DIP2C: variants seen among roughly 807,000 people sequenced by gnomAD.
The protein encoded by DIP2C is disco-interacting protein 2 homolog C.
In DIP2C, 33 loss-of-function variants were observed where a neutral mutation model predicts 192.4. The observed-to-expected ratio is 0.17, with a 90% CI of 0.13 to 0.23. The LOEUF is 0.23. DIP2C is among the 10% of genes least tolerant of loss of function. The probability of loss-of-function intolerance (pLI) is 1.00; values close to 1 mark genes in which losing one functional copy is unlikely to be tolerated. For missense variants in DIP2C, 1,537 were observed against 2,110.1 expected (o/e 0.73, Z 5.32); for synonymous variants, 979 against 864.1 (o/e 1.13, Z -2.33).
chr10:408,805 A>G, intron 9 of DIP2C, 121 bp downstream of exon 9: 1 of 861,290 alleles, frequency 1.2e-6, no homozygotes, highest in Non-Finnish European at 1.8e-6. Context: ...AGTTAAGAAT[A>G]AAAACTTGCT....
At chr10:331,006 C>T (rs1177966146) in intron 29 of DIP2C, among the ~76,000 whole-genome samples, 1 of 132,000 alleles carries the variant, frequency 7.6e-6, no homozygotes, top group African/African-American at 2.9e-5. Context: ...TTTGTAGATA[C>T]GGTTTCGTAT....
At chr10:510,189 A>C (rs10466270) in intron 1 of DIP2C, among the ~76,000 whole-genome samples, 1 of 151,950 alleles carries the variant, frequency 6.6e-6, no homozygotes, top group Non-Finnish European at 1.5e-5. Flanking sequence ...CCCACTTTAC[A>C]CTCATTGGTT....
chr10:611,776 T>C (rs894654877), intron 1 of DIP2C, among the ~76,000 whole-genome samples: 1 of 152,228 alleles, frequency 6.6e-6, no homozygotes, highest in African/African-American at 2.4e-5. Flanking sequence ...GATCTGAGCC[T>C]GGCCCTCAAA....
intron 1 of DIP2C, among the ~76,000 whole-genome samples, chr10:487,168 C>T (rs1844075053): frequency 6.6e-6 from 1 of 152,160 alleles, no homozygotes; most frequent in Non-Finnish European, 1.5e-5. Flanking sequence ...CCAGCGCAAG[C>T]ACACAGGACA....
chr10:285,297 TGAG>T (rs972911034), intron 34 of DIP2C, among the ~76,000 whole-genome samples: 5 of 152,016 alleles, frequency 3.3e-5, no homozygotes, highest in Admixed American at 6.6e-5. Context: ...CGTCCAGGGC[TGAG>T]GAGGAGGAGG....
At chr10:459,665 A>G (rs561135527) in intron 3 of DIP2C, among the ~76,000 whole-genome samples, 68 of 147,750 alleles carry the variant, frequency 4.6e-4, no homozygotes, top group Admixed American at 1.7e-3. Context: ...CCTCCCAGTC[A>G]CATCAGGGAA....
intron 30 of DIP2C, 68 bp downstream of exon 30, chr10:329,365 G>A: frequency 2.7e-6 from 4 of 1,500,336 alleles, no homozygotes. Context: ...CCCCATCACA[G>A]ATGTGCCTTC....
rs756876821 is a variant in DIP2C at position 329,438 on chromosome 10, G to C, written c.3748C>G (p.Leu1250Val). 59 of 1,613,066 alleles carry C rather than the reference G, an allele frequency of 3.7e-5. No individual in the cohort carries two copies. Among genetic ancestry groups the C allele is most frequent in the Non-Finnish European group, 5.0e-5 (59 of 1,179,568 alleles). Residue 1250 changes from leucine to valine, a missense_variant, in exon 30 of 37, where the codon CTC becomes GTC. By Grantham distance (32) the Leu-to-Val change is conservative. Transcript: ENST00000280886. ...CTGCCAAGGGAGCTGCTTACCTTGA[G>C]GGACTCTGTTTGCGAGCCCAGCCCC... ...TKGLGSQTES[L>V]KARGLDLSRV...
rs186064913 is a variant in DIP2C, at chr10:514,648, C to T, written c.86-28118G>A. On this transcript the variant is annotated intron_variant, in intron 1 of 36. Transcript: ENST00000280886. Reference sequence around the variant, plus strand: ...GCCACCTCCTCCTGGCCCCTGACACCGACCCTCACCACTGCTGCCAACACC... The same window carrying T: ...GCCACCTCCTCCTGGCCCCTGACACTGACCCTCACCACTGCTGCCAACACC... 7.4e-4 allele frequency among the ~76,000 whole-genome samples: 112 copies of T among 151,970 alleles called. 1 individual carries two copies. Among genetic ancestry groups the T allele is most frequent in the African/African-American group, 2.6e-3 (108 of 41,236 alleles).
chr10:451,836 T>C (rs1968871603), intron 3 of DIP2C, among the ~76,000 whole-genome samples: 1 of 152,186 alleles, frequency 6.6e-6, no homozygotes, highest in Non-Finnish European at 1.5e-5. Context: ...ACAGGAAAGG[T>C]ACATCTTGAA....
chr10:332,001 AG>A (rs1327920534), intron 29 of DIP2C, among the ~76,000 whole-genome samples: 10 of 152,136 alleles, frequency 6.6e-5, no homozygotes, highest in Admixed American at 2.6e-4. Flanking sequence ...AGCTCACTGT[AG>A]CCCTGACCTC....
intron 4 of DIP2C, among the ~76,000 whole-genome samples, chr10:427,137 A>G (rs1966646703): frequency 6.6e-6 from 1 of 152,210 alleles, no homozygotes; most frequent in Admixed American, 6.5e-5. Context: ...GTAAAATCTG[A>G]GTGTCAGCAG....
In DIP2C at chr10:366,333, G is replaced by GCA. The variant is rs779890829; in HGVS notation, c.2208_2209dup (p.Ala737ValfsTer15). 6.2e-7 allele frequency: 1 copy of GCA among 1,613,902 alleles called. No homozygotes were observed. Among genetic ancestry groups the GCA allele is most frequent in the Non-Finnish European group, 8.5e-7 (1 of 1,179,924 alleles). ...ATAGTAGGACGTGCCCGTCGCAACT[G>GCA]CACACACACACAGCTCCCCGATCTC... On this transcript the variant is annotated frameshift_variant, in exon 19 of 37. Coordinates refer to ENST00000280886, the MANE Select transcript of DIP2C (RefSeq NM_014974.3). LOFTEE classifies it high-confidence loss of function.
At chr10:581,167 C>A (rs1366677248) in intron 1 of DIP2C, among the ~76,000 whole-genome samples, 15 of 152,184 alleles carry the variant, frequency 9.9e-5, no homozygotes, top group African/African-American at 3.4e-4. Flanking sequence ...CATCCCCCAC[C>A]TGGCCACTTA....
chr10:276,473 T>C lies in DIP2C; in HGVS notation c.*852A>G, dbSNP rs1439298866. The C allele has an allele frequency of 6.5e-6, 1 of 152,676 alleles. No individual in the cohort carries two copies. The highest frequency in any genetic ancestry group is 1.5e-5 in the Non-Finnish European group (1 of 68,032). 9.5% of individuals were successfully genotyped at this position (152,676 alleles called of 1,614,324 possible). ...TTTATATTTCATATATATATATTTG[T>C]TGTGATACTATCCACGCAAGATAAT... On this transcript the variant is annotated 3_prime_UTR_variant, in exon 37 of 37. Transcript: ENST00000280886.
At chr10:510,596 A>C (rs955109466) in intron 1 of DIP2C, among the ~76,000 whole-genome samples, 1 of 152,224 alleles carries the variant, frequency 6.6e-6, no homozygotes, top group Admixed American at 6.5e-5. Context: ...GTGCTGGCTG[A>C]GATTTTAACA....
At chr10:400,195 A>T (rs1026039398) in intron 9 of DIP2C, among the ~76,000 whole-genome samples, 3 of 152,174 alleles carry the variant, frequency 2.0e-5, no homozygotes, top group Middle Eastern at 3.4e-3. Flanking sequence ...GCTAATTTTT[A>T]AAAAATATCT....
At chr10:553,189 G>A (rs1480496499) in intron 1 of DIP2C, among the ~76,000 whole-genome samples, 1 of 152,212 alleles carries the variant, frequency 6.6e-6, no homozygotes, top group Non-Finnish European at 1.5e-5. Context: ...GAAGAGCTGG[G>A]TCCTGCCCCT....
At chr10:409,061 G>A (rs375856148) in intron 8 of DIP2C, 44 bp from the exon 9 acceptor site, 190 of 1,591,702 alleles carry the variant, frequency 1.2e-4, no homozygotes, top group South Asian at 1.0e-3. Flanking sequence ...TAAACCATAC[G>A]GAGAGCACAG....
Sources: gnomAD v4.1 joint callset for allele counts (sites outside exome capture counted in the v4.1 genomes callset) on GRCh38, gnomAD v4.1.1 for gene constraint, MANE v1.5 for transcripts, NCBI Gene and HGNC (gene_info 2026-07-23, HGNC 2026-07-21) for gene names.